The following SLC2A13 variants were observed in gnomAD, a reference collection of about 807,000 sequenced individuals.
SLC2A13 encodes the protein proton myo-inositol cotransporter.
In SLC2A13, 32 loss-of-function variants were observed where a neutral mutation model predicts 64.4. The ratio of observed to expected loss-of-function variants is 0.50; its 90% CI spans 0.37 to 0.67. The LOEUF (loss-of-function observed/expected upper bound fraction) is 0.67, where lower values mean the gene tolerates loss of function less well. Among genes scored for constraint, SLC2A13 ranks in the 30% least tolerant of loss-of-function variants. SLC2A13 has a pLI of 0.00. For synonymous variants in SLC2A13, 338 were observed against 327.1 expected, an observed-to-expected ratio of 1.03 and a Z score of -0.36; for missense variants, 743 against 829.2, an observed-to-expected ratio of 0.90 and a Z score of 1.28.
At chr12:39,892,816 T>G (rs1460817427) in intron 4 of SLC2A13, among the ~76,000 whole-genome samples, 1 of 152,080 alleles carries the variant, frequency 6.6e-6, no homozygotes, top group African/African-American at 2.4e-5. Flanking sequence ...TGACAGAAGA[T>G]GAAAAGTAAA....
chr12:39,982,921 C>T (rs1272121277), intron 3 of SLC2A13, among the ~76,000 whole-genome samples: 1 of 131,980 alleles, frequency 7.6e-6, no homozygotes, highest in African/African-American at 2.7e-5. Flanking sequence ...TACCTGACTT[C>T]AAACTATACT....
At chr12:40,075,589 T>C (rs1204033110) in intron 1 of SLC2A13, among the ~76,000 whole-genome samples, 1 of 152,208 alleles carries the variant, frequency 6.6e-6, no homozygotes, top group African/African-American at 2.4e-5. Flanking sequence ...TTCTTTGAAA[T>C]AATACCATTT....
intron 4 of SLC2A13, among the ~76,000 whole-genome samples, chr12:39,887,729 T>C (rs539232235): frequency 1.3e-5 from 2 of 152,212 alleles, no homozygotes; most frequent in Non-Finnish European, 2.9e-5. Context: ...TTATAATTTG[T>C]CCAAATCCTT....
At chr12:39,770,537 G>A (rs549955156) in intron 7 of SLC2A13, among the ~76,000 whole-genome samples, 80 of 152,210 alleles carry the variant, frequency 5.3e-4, no homozygotes, top group Non-Finnish European at 1.1e-3. Flanking sequence ...TGAGTTTAGC[G>A]GGCACTGGCA....
At chr12:39,785,814 G>A (rs1346149489) in intron 7 of SLC2A13, among the ~76,000 whole-genome samples, 2 of 152,190 alleles carry the variant, frequency 1.3e-5, no homozygotes, top group Non-Finnish European at 2.9e-5. Flanking sequence ...TCATTTTGGA[G>A]CTTTAAAATT....
chr12:39,811,662 G>A (rs539495169), intron 7 of SLC2A13, among the ~76,000 whole-genome samples: 2 of 152,090 alleles, frequency 1.3e-5, no homozygotes, highest in African/African-American at 2.4e-5. Context: ...ATTATTAGAG[G>A]AATATACATT....
chr12:40,060,535 A>C (rs1040264507), intron 1 of SLC2A13, among the ~76,000 whole-genome samples: 7 of 152,184 alleles, frequency 4.6e-5, no homozygotes, highest in Admixed American at 3.9e-4. Flanking sequence ...TAAATACAAA[A>C]GTAGGAAACA....
intron 3 of SLC2A13, among the ~76,000 whole-genome samples, chr12:39,977,300 C>A (rs1348428232): frequency 2.0e-5 from 3 of 152,326 alleles, no homozygotes; most frequent in East Asian, 3.9e-4. Flanking sequence ...GTTTATCTAA[C>A]CCCAAACCCC....
intron 6 of SLC2A13, among the ~76,000 whole-genome samples, chr12:39,842,926 A>G (rs948736906): frequency 6.6e-6 from 1 of 152,096 alleles, no homozygotes; most frequent in East Asian, 1.9e-4. Context: ...CAGCCATATT[A>G]TAGCATTTGT....
chr12:40,062,519 TAGAA>T (rs1948439139), intron 1 of SLC2A13, among the ~76,000 whole-genome samples: 2 of 151,806 alleles, frequency 1.3e-5, no homozygotes, highest in African/African-American at 4.8e-5. Flanking sequence ...CAGGAAAAAA[TAGAA>T]GAAGACGTTT....
chr12:39,936,279 A>G (rs942767943), intron 4 of SLC2A13, among the ~76,000 whole-genome samples: 53 of 152,302 alleles, frequency 3.5e-4, no homozygotes, highest in African/African-American at 1.2e-3. Context: ...GGGAATTAAG[A>G]ATTGTGACAA....
At chr12:40,027,096 T>A (rs953008560) in intron 3 of SLC2A13, among the ~76,000 whole-genome samples, 3 of 150,488 alleles carry the variant, frequency 2.0e-5, no homozygotes, top group Non-Finnish European at 4.4e-5. Context: ...AAAAAAAAAA[T>A]TCATATTTCA....
At chr12:40,101,708 C>A (rs1383869390) in intron 1 of SLC2A13, among the ~76,000 whole-genome samples, 1 of 152,138 alleles carries the variant, frequency 6.6e-6, no homozygotes, top group Admixed American at 6.5e-5. Context: ...CACCTCATCA[C>A]CACCCTCACT....
At chr12:39,990,792 G>A (rs1161365088) in intron 3 of SLC2A13, among the ~76,000 whole-genome samples, 1 of 152,158 alleles carries the variant, frequency 6.6e-6, no homozygotes, top group African/African-American at 2.4e-5. Context: ...GAAACTTTAA[G>A]CAATGCCAAC....
At position 40,105,271 on chromosome 12, in the gene SLC2A13, C is replaced by T. The variant is rs1212628483; in HGVS notation, c.538G>A (p.Val180Ile). 4 of 1,596,050 alleles carry T rather than the reference C, an allele frequency of 2.5e-6. No homozygotes were observed. The East Asian group carries it at 6.8e-5, about 27-fold the overall frequency. Reference protein sequence around the residue: ...NKETLLAGRLVVGLGIGIASM... With the variant: ...NKETLLAGRLIVGLGIGIASM... ...AACTCACCGATGCCGAGTCCCACGA[C>T]CAGGCGGCCGGCGAGCAGTGTCTCC... is the stretch of plus-strand genomic sequence containing the variant. Residue 180 changes from valine (V) to isoleucine (I), a missense_variant, in exon 1 of 10, where the codon GTC becomes ATC. This residue lies in a region of SLC2A13 where 448 missense variants were observed against 447.4 expected (regional missense o/e 1.00). Coordinates refer to ENST00000280871, the MANE Select transcript of SLC2A13 (RefSeq NM_052885.4). The surrounding 1 kb of genome is among the most constrained non-coding windows in gnomAD (Gnocchi z 4.2).
At chr12:39,884,137 T>G (rs1041396473) in intron 4 of SLC2A13, among the ~76,000 whole-genome samples, 1 of 152,140 alleles carries the variant, frequency 6.6e-6, no homozygotes, top group Admixed American at 6.5e-5. Context: ...GTATTTTTAG[T>G]GTATGTATGT....
At chr12:39,997,905 C>T (rs1410334068) in intron 3 of SLC2A13, among the ~76,000 whole-genome samples, 1 of 152,164 alleles carries the variant, frequency 6.6e-6, no homozygotes, top group African/African-American at 2.4e-5. Flanking sequence ...ACAGGGAACA[C>T]TTCACCACTG....
At position 39,927,083 on chromosome 12, in the gene SLC2A13, T is replaced by C. The variant is rs1415132508; in HGVS notation, c.1034+24174A>G. On this transcript the variant is annotated intron_variant, in intron 4 of 9. Coordinates refer to ENST00000280871, the MANE Select transcript of SLC2A13 (RefSeq NM_052885.4). Reference sequence around the variant, plus strand: ...AGCATTTAGTTTGATCATATATAAATGGAACAGTAATACACTTTGCACTAA... The same window carrying C: ...AGCATTTAGTTTGATCATATATAAACGGAACAGTAATACACTTTGCACTAA... 2.6e-5 allele frequency among the ~76,000 whole-genome samples: 4 copies of C among 152,210 alleles called. No individual in the cohort carries two copies. The East Asian group carries it at 5.8e-4, about 22-fold the overall frequency.
intron 6 of SLC2A13, among the ~76,000 whole-genome samples, chr12:39,861,398 T>C (rs1161816852): frequency 6.6e-6 from 1 of 152,214 alleles, no homozygotes; most frequent in Non-Finnish European, 1.5e-5. Context: ...ATAAAAACCC[T>C]AGGGCAAGGC....
Sources: gnomAD v4.1 joint callset for allele counts (sites outside exome capture counted in the v4.1 genomes callset) on GRCh38, gnomAD v4.1.1 for gene constraint, gnomAD v4.1.1 regional missense constraint, Gnocchi (gnomAD v3.1) non-coding constraint, MANE v1.5 for transcripts, NCBI Gene and HGNC (gene_info 2026-07-23, HGNC 2026-07-21) for gene names.